The following GLIS3 variants were observed in gnomAD, a reference collection of about 807,000 sequenced individuals.
GLIS3 encodes zinc finger protein GLIS3.
GLIS3 carries 53 observed loss-of-function variants against 78.6 expected under a neutral mutation model. The ratio of observed to expected loss-of-function variants is 0.67; its 90% confidence interval spans 0.54 to 0.85. GLIS3 has a LOEUF of 0.85. GLIS3 is among the 40% of genes least tolerant of loss of function. GLIS3 has a pLI of 0.00. For missense variants in GLIS3, 1,703 were observed against 1,231.1 expected (o/e 1.38, Z -5.74); for synonymous variants, 684 against 509.9 (o/e 1.34, Z -4.60).
At chr9:3,845,190 T>TA (rs931914457) in intron 9 of GLIS3, among the ~76,000 whole-genome samples, 1 of 152,134 alleles carries the variant, frequency 6.6e-6, no homozygotes, top group Non-Finnish European at 1.5e-5. Context: ...GGGAATGATT[T>TA]AAAAAATGAT....
chr9:4,032,629 G>GT (rs1823940813), intron 4 of GLIS3, among the ~76,000 whole-genome samples: 1 of 152,134 alleles, frequency 6.6e-6, no homozygotes, highest in Admixed American at 6.5e-5. Flanking sequence ...CATACGCAAC[G>GT]TGTCAAGTGA....
intron 4 of GLIS3, among the ~76,000 whole-genome samples, chr9:4,058,977 A>G (rs1429515612): frequency 1.3e-5 from 2 of 150,984 alleles, no homozygotes; most frequent in Non-Finnish European, 3.0e-5. Context: ...GCAAGACTCC[A>G]TCTCAAAAAC....
the GLIS3 span, among the ~76,000 whole-genome samples, chr9:4,469,624 C>T: frequency 6.6e-6 from 1 of 152,142 alleles, no homozygotes; most frequent in East Asian, 1.9e-4. Context: ...ATCTCTGAGA[C>T]ACATTTAAAG....
At chr9:4,127,194 G>C (rs1028191911) in intron 2 of GLIS3, among the ~76,000 whole-genome samples, 2 of 152,110 alleles carry the variant, frequency 1.3e-5, no homozygotes, top group Non-Finnish European at 2.9e-5. Context: ...AGACTTATGG[G>C]ACACTAAAAT....
the GLIS3 span, among the ~76,000 whole-genome samples, chr9:4,394,292 ATTAT>A: frequency 2.5e-3 from 382 of 151,616 alleles, 1 homozygote; most frequent in African/African-American, 8.5e-3. Context: ...GAGATTTAAA[ATTAT>A]TTAAATTAAA....
intron 2 of GLIS3, among the ~76,000 whole-genome samples, chr9:4,234,121 TATCAGCA>T (rs146727156): frequency 1.7e-5 from 2 of 117,844 alleles, no homozygotes; most frequent in Non-Finnish European, 3.7e-5. Context: ...ACTTTCTCCG[TATCAGCA>T]ATGAGGATAT....
In GLIS3 at chr9:4,077,064, A is replaced by G. The variant is rs569677010; in HGVS notation, c.1710+40704T>C. Among the ~76,000 whole-genome samples the G allele has an allele frequency of 4.6e-5, 7 of 151,024 alleles. No individual in the cohort carries two copies. The South Asian group carries it at 1.0e-3, about 22-fold the overall frequency. ...AGAGACCAAGACCTTGTCTAAAAAA[A>G]CAATAACAACGATGATGTCCAATTT... On this transcript the variant is annotated intron_variant, in intron 4 of 10. Transcript: ENST00000381971.
intron 2 of GLIS3, among the ~76,000 whole-genome samples, chr9:4,346,317 C>T (rs542610409): frequency 2.6e-5 from 4 of 152,250 alleles, no homozygotes; most frequent in African/African-American, 9.6e-5. Flanking sequence ...CACTTTCTCC[C>T]TGGGGATACA....
At chr9:4,472,694 C>T in the GLIS3 span, among the ~76,000 whole-genome samples, 3 of 152,190 alleles carry the variant, frequency 2.0e-5, no homozygotes, top group Non-Finnish European at 2.9e-5. Flanking sequence ...CAACATGGCA[C>T]ATGTACACCT....
chr9:4,483,862 C>G, the GLIS3 span, among the ~76,000 whole-genome samples: 1 of 152,146 alleles, frequency 6.6e-6, no homozygotes, highest in Non-Finnish European at 1.5e-5. Flanking sequence ...TCAGTTTCCT[C>G]AGCTGTAAGA....
At chr9:3,974,962 C>G (rs1419773607) in intron 4 of GLIS3, among the ~76,000 whole-genome samples, 1 of 151,946 alleles carries the variant, frequency 6.6e-6, no homozygotes, top group African/African-American at 2.4e-5. Context: ...TGATAAGGCA[C>G]ATGGAGGATG....
At chr9:3,852,386 C>T (rs568943920) in intron 9 of GLIS3, among the ~76,000 whole-genome samples, 1 of 152,172 alleles carries the variant, frequency 6.6e-6, no homozygotes, top group Non-Finnish European at 1.5e-5. Context: ...AACAAACACT[C>T]ACTTGAGCTA....
At chr9:4,037,279 C>T (rs975982710) in intron 4 of GLIS3, among the ~76,000 whole-genome samples, 23 of 152,098 alleles carry the variant, frequency 1.5e-4, no homozygotes, top group Middle Eastern at 3.2e-3. Flanking sequence ...AAGCTTAGGA[C>T]TTGCATTCTA....
chr9:4,437,124 G>T, the GLIS3 span, among the ~76,000 whole-genome samples: 2,610 of 152,250 alleles, frequency 0.017, 47 homozygotes, highest in Non-Finnish European at 0.022. Context: ...GACAGTGGCA[G>T]TGTGAAGATT....
At chr9:4,482,068 T>A in the GLIS3 span, among the ~76,000 whole-genome samples, 1 of 152,268 alleles carries the variant, frequency 6.6e-6, no homozygotes, top group African/African-American at 2.4e-5. Context: ...TATTGACTAT[T>A]TGCATTTATT....
the GLIS3 span, among the ~76,000 whole-genome samples, chr9:4,407,929 CTAA>C: frequency 3.3e-5 from 5 of 152,000 alleles, no homozygotes; most frequent in Non-Finnish European, 7.4e-5. Context: ...AAAAAAAAAT[CTAA>C]TAATCGAATT....
chr9:4,174,969 G>C (rs1430623559), intron 2 of GLIS3, among the ~76,000 whole-genome samples: 1 of 152,166 alleles, frequency 6.6e-6, no homozygotes, highest in East Asian at 1.9e-4. Flanking sequence ...TCAGAAATAG[G>C]TCAAGGGTGC....
the GLIS3 span, among the ~76,000 whole-genome samples, chr9:4,359,784 C>T: frequency 3.9e-5 from 6 of 152,054 alleles, no homozygotes; most frequent in East Asian, 1.9e-4. Context: ...CACACTGCCC[C>T]GGTCTCCACT....
At chr9:4,080,944 C>G (rs1384525318) in intron 4 of GLIS3, among the ~76,000 whole-genome samples, 1 of 152,162 alleles carries the variant, frequency 6.6e-6, no homozygotes, top group Non-Finnish European at 1.5e-5. Context: ...GTCTGCTTAC[C>G]ACAGTCCTTG....
Sources: allele counts gnomAD v4.1 joint callset (sites outside exome capture counted in the v4.1 genomes callset), GRCh38; gene constraint gnomAD v4.1.1; transcripts MANE v1.5; gene names NCBI Gene and HGNC (gene_info 2026-07-23, HGNC 2026-07-21).